The following LATS1 variants were observed in gnomAD, a reference collection of about 807,000 sequenced individuals.
LATS1 encodes serine/threonine-protein kinase LATS1.
Under a neutral mutation model 106.6 loss-of-function variants are expected in LATS1, and 25 were observed. The ratio of observed to expected loss-of-function variants is 0.23; its 90% CI spans 0.17 to 0.33. LATS1 has a LOEUF of 0.33. Among genes scored for constraint, LATS1 ranks in the 10% least tolerant of loss-of-function variants. The pLI, the probability that LATS1 is intolerant of heterozygous loss-of-function variation, is 1.00. For missense variants in LATS1, 1,040 were observed against 1,382.6 expected (o/e 0.75, Z 3.93); for synonymous variants, 465 against 455.6 (o/e 1.02, Z -0.26).
chr6:149,679,422 G>A (rs1200171885), intron 5 of LATS1, among the ~76,000 whole-genome samples: 1 of 151,654 alleles, frequency 6.6e-6, no homozygotes, highest in Non-Finnish European at 1.5e-5. Context: ...CGTACTGGCA[G>A]GTGCTTATAA....
intron 7 of LATS1, among the ~76,000 whole-genome samples, chr6:149,671,100 G>A (rs1380056656): frequency 6.7e-6 from 1 of 150,180 alleles, no homozygotes; most frequent in Non-Finnish European, 1.5e-5. Flanking sequence ...AAGGTGTGAG[G>A]TCACTTGAGG....
At chr6:149,702,334 A>G (rs1299059313) in intron 1 of LATS1, 68 bp from the exon 2 acceptor site, 16 of 465,208 alleles carry the variant, frequency 3.4e-5, no homozygotes, top group Non-Finnish European at 4.5e-5. Flanking sequence ...ATTAGAGGAA[A>G]AGTCCATTGA....
chr6:149,691,291 CA>C (rs1782735766), intron 3 of LATS1, among the ~76,000 whole-genome samples: 1 of 152,130 alleles, frequency 6.6e-6, no homozygotes, highest in Non-Finnish European at 1.5e-5. Flanking sequence ...GAGGACACAG[CA>C]AGGCGGCCGC....
intron 1 of LATS1, among the ~76,000 whole-genome samples, chr6:149,710,773 T>C (rs1784045935): frequency 6.6e-6 from 1 of 152,208 alleles, no homozygotes; most frequent in Non-Finnish European, 1.5e-5. Context: ...ACTGACCTTG[T>C]AGTGTTATAG....
intron 7 of LATS1, among the ~76,000 whole-genome samples, chr6:149,672,231 A>G (rs1287495729): frequency 6.8e-6 from 1 of 147,186 alleles, no homozygotes; most frequent in Non-Finnish European, 1.5e-5. Flanking sequence ...TTTTTTTGAC[A>G]TGGAGTCTCG....
At chr6:149,707,851 G>C (rs1307335852) in intron 1 of LATS1, among the ~76,000 whole-genome samples, 1 of 152,000 alleles carries the variant, frequency 6.6e-6, no homozygotes, top group Non-Finnish European at 1.5e-5. Flanking sequence ...GGGTATATGA[G>C]GGTTCACTGT....
In LATS1 at chr6:149,661,114, G is replaced by T; in HGVS notation, c.*615C>A. On this transcript the variant is annotated 3_prime_UTR_variant, in exon 8 of 8. Transcript: ENST00000543571. ...GATTAAATATTCCATGGGGCGGGGG[G>T]TGGGGGGGAAGATAAATGCATTATT... is the stretch of plus-strand genomic sequence containing the variant. The T allele has an allele frequency of 1.4e-5, 1 of 71,416 alleles. No homozygotes were observed. The highest frequency in any genetic ancestry group is 2.4e-5 in the Non-Finnish European group (1 of 41,590). 4.4% of individuals were successfully genotyped at this position (71,416 alleles called of 1,614,324 possible). A position where few individuals can be genotyped will look rare whatever the true frequency, so the allele number is the denominator to read the frequency against.
Position 149,695,220 on chromosome 6 carries a change from T to C in LATS1, c.350A>G (p.Asp117Gly), listed in dbSNP as rs1176326906. The change falls in exon 3 of 8, where the codon GAT (aspartate) becomes GGT (glycine). Residue 117 changes from aspartate (D) to glycine (G), a missense_variant and splice_region_variant. By Grantham distance (94) the Asp-to-Gly change is moderately conservative (BLOSUM62 -1). This residue lies in a region of LATS1 where 624 missense variants were observed against 714.8 expected (regional missense o/e 0.87). Coordinates refer to ENST00000543571, the MANE Select transcript of LATS1 (RefSeq NM_004690.4). ...TTTCTGAAGAGCTTGTATAACCATATCCTGATATGAATTGAAGTTTAAAAA... is the reference window on the plus strand; with the variant it reads ...TTTCTGAAGAGCTTGTATAACCATACCCTGATATGAATTGAAGTTTAAAAA... Reference protein sequence around the residue: ...QDLQAAGFDEDMVIQALQKTN... With the variant: ...QDLQAAGFDEGMVIQALQKTN... 6.3e-7 allele frequency: 1 copy of C among 1,576,320 alleles called. No individual in the cohort carries two copies. The highest frequency in any genetic ancestry group is 1.2e-5 in the South Asian group (1 of 86,294).
At position 149,658,405 on chromosome 6, in the gene LATS1, G is replaced by A. The variant is rs1780776267; in HGVS notation, c.*3324C>T. ...CTTATATACACAATACAATATAAAA[G>A]TAAACTGTGTAGTGCCTTCCACAAA... On this transcript the variant is annotated 3_prime_UTR_variant, in exon 8 of 8. Transcript: ENST00000543571. 1 of 152,098 alleles carries A rather than the reference G, an allele frequency of 6.6e-6. No individual in the cohort carries two copies. The highest frequency in any genetic ancestry group is 6.6e-5 in the Admixed American group (1 of 15,262). The allele number at this position is 152,098 out of a possible 1,614,324, so 9.4% of individuals were successfully genotyped here.
At position 149,670,610 on chromosome 6, in the gene LATS1, A is replaced by T. The variant is rs940087374; in HGVS notation, c.2883+5650T>A. Among the ~76,000 whole-genome samples, 97 of 151,944 alleles carry T rather than the reference A, an allele frequency of 6.4e-4. 1 individual carries two copies. Among genetic ancestry groups the T allele is most frequent in the African/African-American group, 2.2e-3 (89 of 41,242 alleles). On this transcript the variant is annotated intron_variant, in intron 7 of 7. Transcript: ENST00000543571. Reference sequence around the variant, plus strand: ...GGGCAGTAAGAACTCTGCCCTCCAAAAATTTGAGGTTGTCTATCTTGGTTG... The same window carrying T: ...GGGCAGTAAGAACTCTGCCCTCCAATAATTTGAGGTTGTCTATCTTGGTTG...
Position 149,683,250 on chromosome 6 carries a change from T to C in LATS1, c.1839A>G (p.Ser613=). 1.9e-6 allele frequency: 3 copies of C among 1,614,020 alleles called. No individual in the cohort carries two copies. The African/African-American group carries it at 4.0e-5, about 22-fold the overall frequency. The change falls in exon 4 of 8, where the codon TCA becomes TCG. Residue 613 remains serine, a synonymous_variant. Coordinates refer to ENST00000543571, the MANE Select transcript of LATS1 (RefSeq NM_004690.4). ...TCTTGTTTTTCCTAACAGTAATAGG[T>C]GAAGTTGTAATCTGTTTCTTTTCTT... ...GDKEKKQITT[S]PITVRKNKKD...
At chr6:149,696,009 G>A (rs554103250) in intron 2 of LATS1, among the ~76,000 whole-genome samples, 34 of 151,612 alleles carry the variant, frequency 2.2e-4, no homozygotes, top group African/African-American at 7.7e-4. Flanking sequence ...GGGCTCAAGC[G>A]ATTCTCCTGC....
chr6:149,692,121 T>C (rs1782793681), intron 3 of LATS1, among the ~76,000 whole-genome samples: 1 of 152,178 alleles, frequency 6.6e-6, no homozygotes. Context: ...CTTTCTGAAA[T>C]ACAAATCTAA....
At chr6:149,675,120 G>A (rs553880423) in intron 7 of LATS1, among the ~76,000 whole-genome samples, 1 of 151,814 alleles carries the variant, frequency 6.6e-6, no homozygotes, top group South Asian at 2.1e-4. Context: ...GGGAGGCTGA[G>A]GCACGAGAAT....
chr6:149,678,197 A>G (rs1781837425), intron 5 of LATS1, among the ~76,000 whole-genome samples: 1 of 134,928 alleles, frequency 7.4e-6, no homozygotes, highest in African/African-American at 3.3e-5. Context: ...AAAAAAAAAT[A>G]GCCGGGCGTG....
rs58138010 is a variant in LATS1 at position 149,708,414 on chromosome 6, CAA to C, written c.-140-6150_-140-6149del. Among the ~76,000 whole-genome samples the C allele has an allele frequency of 4.7e-3, 485 of 104,206 alleles. 1 individual carries two copies. The highest frequency in any genetic ancestry group is 8.4e-3 in the African/African-American group (242 of 28,884). 68.4% of individuals were successfully genotyped at this position (104,206 alleles called of 152,430 possible). ...TGGGCGACAGAGCGAGACTGGATCT[CAA>C]AAAAAAAAAAAAAAAAAATTTCAAT... On this transcript the variant is annotated intron_variant, in intron 1 of 7. Coordinates refer to ENST00000543571, the MANE Select transcript of LATS1 (RefSeq NM_004690.4).
chr6:149,717,120 A>G (rs568453663), intron 1 of LATS1, among the ~76,000 whole-genome samples: 2 of 152,222 alleles, frequency 1.3e-5, no homozygotes, highest in African/African-American at 4.8e-5. Flanking sequence ...TAACTTCTGG[A>G]GGATGATACA....
At chr6:149,707,151 G>T (rs1370758878) in intron 1 of LATS1, among the ~76,000 whole-genome samples, 1 of 151,468 alleles carries the variant, frequency 6.6e-6, no homozygotes, top group African/African-American at 2.4e-5. Flanking sequence ...GAGTAGCCGA[G>T]ATCACAGGTG....
chr6:149,718,048 C>A lies in LATS1; in HGVS notation c.-340G>T, dbSNP rs925989207. The A allele has an allele frequency of 3.1e-6, 1 of 326,120 alleles. No homozygotes were observed. The highest frequency in any genetic ancestry group is 2.1e-5 in the South Asian group (1 of 47,628). The allele number at this position is 326,120 out of a possible 1,614,324, so 20.2% of individuals were successfully genotyped here. A position where few individuals can be genotyped will look rare whatever the true frequency, so the allele number is the denominator to read the frequency against. ...TCTCCCCTTAACACCAGGCCACCGC[C>A]GCCGCCGCCGCCATTTTGCCTTCCA... On this transcript the variant is annotated 5_prime_UTR_variant, in exon 1 of 8. Transcript: ENST00000543571.
Sources: allele counts gnomAD v4.1 joint callset (sites outside exome capture counted in the v4.1 genomes callset), GRCh38; gene constraint gnomAD v4.1.1; regional missense constraint gnomAD v4.1.1; transcripts MANE v1.5; gene names NCBI Gene and HGNC (gene_info 2026-07-23, HGNC 2026-07-21).